Variants in RTKN2 observed in about 807,000 individuals in gnomAD.
RTKN2 encodes rhotekin 2, also known as rhotekin-2.
RTKN2 carries 69 observed loss-of-function variants against 71.5 expected under a neutral mutation model. The observed-to-expected ratio is 0.96, with a 90% CI of 0.79 to 1.18. RTKN2 has a LOEUF of 1.18. RTKN2 is among the 50% of genes most tolerant of loss of function. RTKN2 has a pLI of 0.00. For synonymous variants in RTKN2, 236 were observed against 236.5 expected, an observed-to-expected ratio of 1.00 and a Z score of 0.02; for missense variants, 724 against 719.7, an observed-to-expected ratio of 1.01 and a Z score of -0.07.
intron 2 of RTKN2, among the ~76,000 whole-genome samples, chr10:62,251,121 G>T (rs1031985457): frequency 6.6e-6 from 1 of 152,052 alleles, no homozygotes; most frequent in South Asian, 2.1e-4. Flanking sequence ...TGTGCTCAAG[G>T]TCCACAGTAG....
At chr10:62,253,002 A>G (rs951840950) in intron 2 of RTKN2, among the ~76,000 whole-genome samples, 2 of 152,160 alleles carry the variant, frequency 1.3e-5, no homozygotes, top group Non-Finnish European at 2.9e-5. Flanking sequence ...AGTGGCTGAA[A>G]CCAGATATAT....
downstream of RTKN2, among the ~76,000 whole-genome samples, chr10:62,189,543 C>A (rs1309448118): frequency 6.6e-6 from 1 of 152,018 alleles, no homozygotes; most frequent in African/African-American, 2.4e-5. Flanking sequence ...ATAAATTCAC[C>A]CACCAGGTGC....
intron 10 of RTKN2, among the ~76,000 whole-genome samples, chr10:62,204,341 T>A (rs1176883022): frequency 6.6e-6 from 1 of 152,222 alleles, no homozygotes; most frequent in Non-Finnish European, 1.5e-5. Context: ...TTTATGTCCA[T>A]GTCATTGGAC....
At chr10:62,232,592 G>A (rs1842172652) in intron 6 of RTKN2, among the ~76,000 whole-genome samples, 1 of 151,810 alleles carries the variant, frequency 6.6e-6, no homozygotes, top group South Asian at 2.1e-4. Context: ...ATGAGCCACT[G>A]CCCCCAGCCT....
intron 1 of RTKN2, among the ~76,000 whole-genome samples, chr10:62,265,965 A>C (rs1842861677): frequency 6.6e-6 from 1 of 152,224 alleles, no homozygotes; most frequent in Non-Finnish European, 1.5e-5. Context: ...CAAAGACAAA[A>C]GCTGGTCTCT....
chr10:62,242,077 G>A (rs1842388268), intron 3 of RTKN2, among the ~76,000 whole-genome samples: 1 of 148,822 alleles, frequency 6.7e-6, no homozygotes, highest in Admixed American at 6.7e-5. Context: ...TCAACTTCTG[G>A]GCTCAAGCAA....
At chr10:62,223,480 G>C (rs1841954556) in intron 6 of RTKN2, 148 bp from the exon 7 acceptor site, 2 of 549,072 alleles carry the variant, frequency 3.6e-6, no homozygotes. Flanking sequence ...GAGAGGACAA[G>C]ATCCAGCATT....
chr10:62,257,181 G>A (rs1842691215), intron 2 of RTKN2, among the ~76,000 whole-genome samples: 1 of 152,144 alleles, frequency 6.6e-6, no homozygotes, highest in South Asian at 2.1e-4. Context: ...TAAGCTCCAG[G>A]CACCAAATCC....
chr10:62,264,351 CAT>C (rs1842831230), intron 1 of RTKN2, among the ~76,000 whole-genome samples: 2 of 152,156 alleles, frequency 1.3e-5, no homozygotes, highest in Non-Finnish European at 2.9e-5. Flanking sequence ...AAAACCTTCT[CAT>C]ATAGTGTTGT....
At chr10:62,207,686 C>A (rs1055223149) in intron 9 of RTKN2, among the ~76,000 whole-genome samples, 1 of 152,074 alleles carries the variant, frequency 6.6e-6, no homozygotes, top group African/African-American at 2.4e-5. Flanking sequence ...TGCCTCCCCC[C>A]CATATTTCTG....
chr10:62,236,772 C>T (rs542746705), intron 5 of RTKN2, among the ~76,000 whole-genome samples: 4 of 152,032 alleles, frequency 2.6e-5, no homozygotes, highest in Admixed American at 6.6e-5. Flanking sequence ...ACACACACAA[C>T]GGACAACCAT....
Position 62,193,859 on chromosome 10 carries a change from C to CT in RTKN2, c.*4048dup. 1 of 979,028 alleles carries CT rather than the reference C, an allele frequency of 1.0e-6. No individual in the cohort carries two copies. The highest frequency in any genetic ancestry group is 1.7e-5 in the African/African-American group (1 of 57,188). 60.6% of individuals were successfully genotyped at this position (979,028 alleles called of 1,614,324 possible). On this transcript the variant is annotated 3_prime_UTR_variant, in exon 12 of 12. Transcript: ENST00000373789. ...TTTAATAATGTTAATTATACCATGG[C>CT]TTATCAGAATGTTAGTCTTATAATA...
intron 6 of RTKN2, among the ~76,000 whole-genome samples, chr10:62,228,001 G>A (rs12242780): frequency 6.6e-6 from 1 of 152,182 alleles, no homozygotes; most frequent in African/African-American, 2.4e-5. Context: ...TAAGAATTCA[G>A]TTTGGGGCAA....
chr10:62,199,525 A>AT (rs1465697581), intron 11 of RTKN2, among the ~76,000 whole-genome samples: 5 of 152,202 alleles, frequency 3.3e-5, no homozygotes, highest in Non-Finnish European at 7.3e-5. Flanking sequence ...TAAGCCTTAA[A>AT]TTTTTTGTCT....
At chr10:62,228,157 T>C (rs929053439) in intron 6 of RTKN2, among the ~76,000 whole-genome samples, 1 of 152,182 alleles carries the variant, frequency 6.6e-6, no homozygotes, top group African/African-American at 2.4e-5. Context: ...TATCAGTATA[T>C]ACATGAAATT....
chr10:62,257,782 T>C (rs1028515207), intron 2 of RTKN2, among the ~76,000 whole-genome samples: 1 of 152,200 alleles, frequency 6.6e-6, no homozygotes, highest in African/African-American at 2.4e-5. Context: ...GGTACAATGA[T>C]AGTTTACTAG....
chr10:62,244,941 G>A (rs1016508160), intron 3 of RTKN2, among the ~76,000 whole-genome samples: 2 of 152,112 alleles, frequency 1.3e-5, no homozygotes, highest in Admixed American at 6.6e-5. Flanking sequence ...CAGTTCCTTA[G>A]GTGACAGTAC....
At chr10:62,203,342 A>ATT (rs35304270) in intron 10 of RTKN2, among the ~76,000 whole-genome samples, 1 of 143,522 alleles carries the variant, frequency 7.0e-6, no homozygotes, top group Non-Finnish European at 1.5e-5. Context: ...GATCTGCTGA[A>ATT]TTTTTTTTTT....
chr10:62,260,438 T>C (rs889097553), intron 2 of RTKN2, among the ~76,000 whole-genome samples: 2 of 152,186 alleles, frequency 1.3e-5, no homozygotes, highest in African/African-American at 2.4e-5. Flanking sequence ...AAAATGAAGC[T>C]ATAAACAAAG....
Sources: gnomAD v4.1 joint callset for allele counts (sites outside exome capture counted in the v4.1 genomes callset) on GRCh38, gnomAD v4.1.1 for gene constraint, MANE v1.5 for transcripts, NCBI Gene and HGNC (gene_info 2026-07-23, HGNC 2026-07-21) for gene names.